ACACA: variants seen among roughly 807,000 people sequenced by gnomAD.
ACACA encodes the protein acetyl-CoA carboxylase alpha.
In ACACA, 103 loss-of-function variants were observed where a neutral mutation model predicts 296.1. The ratio of observed to expected loss-of-function variants is 0.35; its 90% CI spans 0.30 to 0.41. The LOEUF (loss-of-function observed/expected upper bound fraction) is 0.41. Among genes scored for constraint, ACACA ranks in the 10% least tolerant of loss-of-function variants. The probability of loss-of-function intolerance (pLI) is 1.00; values close to 1 mark genes in which losing one functional copy is unlikely to be tolerated. For missense variants in ACACA, 1,554 were observed against 2,989.7 expected, an observed-to-expected ratio of 0.52 and a Z score of 11.20; for synonymous variants, 953 against 1,038.6, an observed-to-expected ratio of 0.92 and a Z score of 1.58.
intron 52 of ACACA, among the ~76,000 whole-genome samples, chr17:37,106,900 C>G (rs1451659767): frequency 1.3e-5 from 2 of 152,038 alleles, no homozygotes; most frequent in Non-Finnish European, 2.9e-5. Flanking sequence ...TTTATAAATA[C>G]AATCAGATTA....
At chr17:37,327,760 C>T (rs553198926) in intron 3 of ACACA, among the ~76,000 whole-genome samples, 1 of 152,278 alleles carries the variant, frequency 6.6e-6, no homozygotes, top group African/African-American at 2.4e-5. Flanking sequence ...AGAGTTAAAC[C>T]AGTCTTTCTC....
chr17:37,389,364 A>G (rs2050688627), intron 1 of ACACA: 1 of 1,574,946 alleles, frequency 6.3e-7, no homozygotes, highest in East Asian at 2.3e-5. Flanking sequence ...CCCCAGAAGG[A>G]AAGTGTTCTC....
chr17:37,304,001 G>A (rs1444132157), intron 3 of ACACA, among the ~76,000 whole-genome samples: 1 of 152,216 alleles, frequency 6.6e-6, no homozygotes, highest in Non-Finnish European at 1.5e-5. Context: ...ATTCTGATAA[G>A]TGTGTAATGA....
At chr17:37,342,992 T>A (rs1208715186) in intron 1 of ACACA, among the ~76,000 whole-genome samples, 4 of 152,156 alleles carry the variant, frequency 2.6e-5, no homozygotes, top group African/African-American at 9.7e-5. Context: ...TTTTTCTTTT[T>A]ATTGAGACGG....
At chr17:37,363,434 G>C (rs1333459178) in intron 1 of ACACA, among the ~76,000 whole-genome samples, 2 of 151,578 alleles carry the variant, frequency 1.3e-5, no homozygotes, top group East Asian at 4.0e-4. Context: ...ACCCGCCTTG[G>C]CCTCCCAAAG....
intron 1 of ACACA, among the ~76,000 whole-genome samples, chr17:37,381,626 C>CTTT (rs550853752): frequency 1.4e-4 from 17 of 125,880 alleles, no homozygotes; most frequent in Admixed American, 2.6e-4. Context: ...CTTCCATAGT[C>CTTT]TTTTTTTTTT....
intron 7 of ACACA, 55 bp from the exon 8 acceptor site, chr17:37,276,104 G>A: frequency 7.4e-7 from 1 of 1,351,688 alleles, no homozygotes; most frequent in Non-Finnish European, 1.1e-6. Context: ...CTCATTTCTG[G>A]CACATGTAGT....
intron 1 of ACACA, among the ~76,000 whole-genome samples, chr17:37,380,951 G>C (rs1050559729): frequency 1.2e-4 from 18 of 151,206 alleles, no homozygotes; most frequent in African/African-American, 4.4e-4. Context: ...TATTCAAACA[G>C]TATAGATTTA....
At chr17:37,108,245 A>G (rs1363987774) in intron 52 of ACACA, among the ~76,000 whole-genome samples, 1 of 152,120 alleles carries the variant, frequency 6.6e-6, no homozygotes, top group Non-Finnish European at 1.5e-5. Flanking sequence ...CAGACCTGCA[A>G]ACTAGTAATT....
At chr17:37,300,468 A>G (rs557690984) in intron 3 of ACACA, among the ~76,000 whole-genome samples, 8 of 152,222 alleles carry the variant, frequency 5.3e-5, no homozygotes, top group Admixed American at 3.3e-4. Flanking sequence ...TGTACACCAA[A>G]TCTAACCTGA....
intron 48 of ACACA, among the ~76,000 whole-genome samples, chr17:37,124,812 C>A (rs2074698339): frequency 6.6e-6 from 1 of 152,210 alleles, no homozygotes; most frequent in Non-Finnish European, 1.5e-5. Context: ...TCACAGGCAG[C>A]ATGGAGGCGT....
intron 10 of ACACA, 55 bp from the exon 11 acceptor site, chr17:37,263,949 T>C: frequency 1.4e-6 from 2 of 1,451,508 alleles, no homozygotes; most frequent in Non-Finnish European, 1.9e-6. Flanking sequence ...AAACTTTTTA[T>C]CTATCTTGAT....
At chr17:37,374,351 A>G (rs1443597692) in intron 1 of ACACA, among the ~76,000 whole-genome samples, 1 of 150,852 alleles carries the variant, frequency 6.6e-6, no homozygotes, top group Non-Finnish European at 1.5e-5. Context: ...CAATGGTGCA[A>G]TCTCGGCTCA....
intron 1 of ACACA, among the ~76,000 whole-genome samples, chr17:37,379,728 C>T (rs2050161907): frequency 6.6e-6 from 1 of 150,878 alleles, no homozygotes; most frequent in Non-Finnish European, 1.5e-5. Flanking sequence ...CAATGAGATA[C>T]CATCTCACAC....
intron 35 of ACACA, among the ~76,000 whole-genome samples, chr17:37,196,517 G>C (rs1049984454): frequency 3.3e-5 from 5 of 151,286 alleles, no homozygotes; most frequent in African/African-American, 1.2e-4. Context: ...GTTTGATTTA[G>C]AATCTTATCA....
intron 10 of ACACA, among the ~76,000 whole-genome samples, chr17:37,264,124 C>T (rs896001062): frequency 3.3e-5 from 5 of 152,050 alleles, no homozygotes; most frequent in African/African-American, 4.8e-5. Flanking sequence ...TGAAAACATA[C>T]GAACATCTGG....
intron 41 of ACACA, among the ~76,000 whole-genome samples, chr17:37,170,250 C>T (rs1567756184): frequency 6.6e-6 from 1 of 151,792 alleles, no homozygotes; most frequent in African/African-American, 2.4e-5. Context: ...TATACAAGTT[C>T]TAAGGCAGAA....
chr17:37,126,761 A>T (rs2074807747), intron 47 of ACACA, among the ~76,000 whole-genome samples: 1 of 152,226 alleles, frequency 6.6e-6, no homozygotes, highest in South Asian at 2.1e-4. Context: ...TGTGTTCTAC[A>T]TTCCTTGCCT....
intron 10 of ACACA, among the ~76,000 whole-genome samples, chr17:37,264,602 G>C (rs2081662970): frequency 6.6e-6 from 1 of 152,132 alleles, no homozygotes; most frequent in Non-Finnish European, 1.5e-5. Context: ...AGTGCTTTTT[G>C]AATCTGTCCT....
Sources: allele counts gnomAD v4.1 joint callset (sites outside exome capture counted in the v4.1 genomes callset), GRCh38; gene constraint gnomAD v4.1.1; transcripts MANE v1.5; gene names NCBI Gene and HGNC (gene_info 2026-07-23, HGNC 2026-07-21).